SETD2: variants seen among roughly 807,000 people sequenced by gnomAD.
SETD2 encodes the protein SET domain containing 2, histone lysine methyltransferase, also known as histone-lysine N-methyltransferase SETD2.
A neutral mutation model predicts 242.1 loss-of-function variants in SETD2; 31 were observed. The ratio of observed to expected loss-of-function variants is 0.13; its 90% CI spans 0.10 to 0.17. The LOEUF (loss-of-function observed/expected upper bound fraction) is 0.17. Ranked by LOEUF, SETD2 falls within the 10% of genes least tolerant of loss-of-function variation. The pLI is 1.00. For synonymous variants in SETD2, 1,006 were observed against 1,066.5 expected (o/e 0.94, Z 1.11); for missense variants, 2,481 against 3,046.3 (o/e 0.81, Z 4.37).
intron 3 of SETD2, chr3:47,119,544 G>C (rs1459606785): frequency 5.6e-6 from 1 of 179,288 alleles, no homozygotes; most frequent in African/African-American, 2.4e-5. Flanking sequence ...TCTTGTGATG[G>C]TGATTAAGTC....
chr3:47,101,796 A>C (rs890287664), intron 7 of SETD2, among the ~76,000 whole-genome samples: 2 of 152,090 alleles, frequency 1.3e-5, no homozygotes, highest in African/African-American at 4.8e-5. Flanking sequence ...TATATCTCTA[A>C]TTCGTCTCTA....
At chr3:47,034,176 A>G (rs761199966) in intron 18 of SETD2, among the ~76,000 whole-genome samples, 25 of 152,360 alleles carry the variant, frequency 1.6e-4, no homozygotes, top group Non-Finnish European at 3.4e-4. Flanking sequence ...ATGTATACAT[A>G]CAATGGCAGA....
At chr3:47,072,281 C>G (rs557128032) in intron 12 of SETD2, among the ~76,000 whole-genome samples, 1 of 152,126 alleles carries the variant, frequency 6.6e-6, no homozygotes, top group African/African-American at 2.4e-5. Context: ...GCACTTCAGC[C>G]TGGGCGACAG....
chr3:47,127,020 A>C (rs1456610606), intron 1 of SETD2, among the ~76,000 whole-genome samples: 1 of 152,234 alleles, frequency 6.6e-6, no homozygotes, highest in Non-Finnish European at 1.5e-5. Context: ...GGCAGCAAAG[A>C]GGACGATAAG....
chr3:47,103,527 A>G (rs527564256), intron 6 of SETD2, 104 bp from the exon 7 acceptor site: 5 of 874,734 alleles, frequency 5.7e-6, no homozygotes, highest in African/African-American at 5.1e-5. Flanking sequence ...TAAAAAAAAG[A>G]TTGTGCTGCG....
rs2040369019 is a variant in SETD2, at chr3:47,062,305, T to A, written c.6151A>T (p.Thr2051Ser). 6.2e-7 allele frequency: 1 copy of A among 1,612,554 alleles called. No individual in the cohort carries two copies. The change falls in exon 14 of 21, where the codon ACA becomes TCA. Residue 2051 changes from threonine (T) to serine (S), a missense_variant. This residue lies in a region of SETD2 where 80 missense variants were observed against 102.6 expected (regional missense o/e 0.78). Coordinates refer to ENST00000409792, the MANE Select transcript of SETD2 (RefSeq NM_014159.7). ...GRDAVGFRDQ[T>S]PAPKTPNRSR... is the part of the protein sequence containing the mutation. ...CTATTAGGAGTCTTCGGGGCAGGTG[T>A]TTGATCTCTGAAGCCAACAGCATCC...
At chr3:47,090,739 A>G (rs1575756823) in intron 9 of SETD2, among the ~76,000 whole-genome samples, 1 of 152,208 alleles carries the variant, frequency 6.6e-6, no homozygotes, top group Non-Finnish European at 1.5e-5. Flanking sequence ...AATAAAATTC[A>G]GATAAGCTAG....
At chr3:47,136,589 G>C (rs1230588203) in intron 1 of SETD2, among the ~76,000 whole-genome samples, 1 of 152,112 alleles carries the variant, frequency 6.6e-6, no homozygotes, top group Admixed American at 6.6e-5. Context: ...TAAACAATGG[G>C]TACACATGGA....
At chr3:47,031,759 C>T (rs1433826627) in intron 18 of SETD2, among the ~76,000 whole-genome samples, 2 of 151,896 alleles carry the variant, frequency 1.3e-5, no homozygotes, top group Non-Finnish European at 2.9e-5. Context: ...CACTGAGGAC[C>T]GCAAAGAGCT....
At chr3:47,163,726 A>C (rs2106867001) in intron 1 of SETD2, 128 bp downstream of exon 1, 3 of 757,354 alleles carry the variant, frequency 4.0e-6, no homozygotes, top group African/African-American at 1.9e-5. Context: ...CCCGACACCG[A>C]CCGCGCGAGG....
intron 13 of SETD2, among the ~76,000 whole-genome samples, chr3:47,065,255 G>C (rs1004398882): frequency 2.6e-5 from 4 of 151,984 alleles, no homozygotes; most frequent in African/African-American, 9.7e-5. Context: ...GACTAAACCA[G>C]AGAGTGGAAC....
chr3:47,031,154 T>C (rs1163138247), intron 18 of SETD2, among the ~76,000 whole-genome samples: 2 of 152,214 alleles, frequency 1.3e-5, no homozygotes, highest in African/African-American at 2.4e-5. Context: ...AGTGAAACTA[T>C]TCTGTACGTT....
chr3:47,101,091 G>T (rs1162173930), intron 8 of SETD2, among the ~76,000 whole-genome samples: 5 of 151,270 alleles, frequency 3.3e-5, no homozygotes, highest in Non-Finnish European at 7.4e-5. Flanking sequence ...GAAATAGACT[G>T]GTTATGAGTT....
intron 12 of SETD2, among the ~76,000 whole-genome samples, chr3:47,081,568 T>C (rs1381103842): frequency 6.6e-6 from 1 of 152,212 alleles, no homozygotes; most frequent in Non-Finnish European, 1.5e-5. Context: ...TATACAGTAA[T>C]CACATCATGT....
intron 16 of SETD2, among the ~76,000 whole-genome samples, chr3:47,043,018 A>G (rs2039353444): frequency 6.6e-6 from 1 of 151,796 alleles, no homozygotes; most frequent in African/African-American, 2.4e-5. Context: ...AATGGGATAC[A>G]GAAATATCTT....
intron 14 of SETD2, among the ~76,000 whole-genome samples, chr3:47,061,871 C>G (rs2107587592): frequency 6.6e-6 from 1 of 152,206 alleles, no homozygotes; most frequent in East Asian, 1.9e-4. Flanking sequence ...ACTTATCTCC[C>G]ACCAACCCCC....
intron 18 of SETD2, among the ~76,000 whole-genome samples, chr3:47,030,139 A>C (rs2107515250): frequency 6.6e-6 from 1 of 152,230 alleles, no homozygotes. Flanking sequence ...ACAGAGTGAG[A>C]CCCTGTCTTG....
chr3:47,022,134 T>G (rs1338379052), intron 18 of SETD2, among the ~76,000 whole-genome samples: 1 of 147,180 alleles, frequency 6.8e-6, no homozygotes, highest in Admixed American at 6.8e-5. Context: ...GAGGTGGAGG[T>G]TGCAGTGAGC....
At chr3:47,147,602 C>A (rs2106813233) in intron 1 of SETD2, among the ~76,000 whole-genome samples, 1 of 151,492 alleles carries the variant, frequency 6.6e-6, no homozygotes, top group South Asian at 2.1e-4. Flanking sequence ...GTGTGAGCCA[C>A]TGTGCCCAGC....
Sources: allele counts gnomAD v4.1 joint callset (sites outside exome capture counted in the v4.1 genomes callset), GRCh38; gene constraint gnomAD v4.1.1; regional missense constraint gnomAD v4.1.1; transcripts MANE v1.5; gene names NCBI Gene and HGNC (gene_info 2026-07-23, HGNC 2026-07-21).